The following TTBK2 variants were observed in gnomAD, a reference collection of about 807,000 sequenced individuals.
TTBK2 encodes the protein tau-tubulin kinase 2.
A neutral mutation model predicts 110.8 loss-of-function variants in TTBK2; 28 were observed. The ratio of observed to expected loss-of-function variants is 0.25; its 90% CI spans 0.19 to 0.35. The LOEUF (loss-of-function observed/expected upper bound fraction) is 0.35, where lower values mean the gene tolerates loss of function less well. Ranked by LOEUF, TTBK2 falls within the 10% of genes least tolerant of loss-of-function variation. TTBK2 has a pLI of 1.00. For missense variants in TTBK2, 1,369 were observed against 1,500.3 expected (o/e 0.91, Z 1.45); for synonymous variants, 532 against 527.3 (o/e 1.01, Z -0.12).
intron 1 of TTBK2, among the ~76,000 whole-genome samples, chr15:42,879,996 C>CAAAAAAAAA (rs71108186): frequency 1.3e-5 from 1 of 74,462 alleles, no homozygotes; most frequent in African/African-American, 5.0e-5. Flanking sequence ...GATCCTGTCT[C>CAAAAAAAAA]AAAAAAAAAA....
chr15:42,865,513 T>TAAAA (rs60116704), intron 3 of TTBK2, among the ~76,000 whole-genome samples: 1,840 of 109,074 alleles, frequency 0.017, 39 homozygotes, highest in African/African-American at 0.059. Flanking sequence ...ATAATAATAC[T>TAAAA]AAAAAAAAAA....
At chr15:42,821,279 G>A (rs1037295712) in intron 6 of TTBK2, among the ~76,000 whole-genome samples, 1 of 152,152 alleles carries the variant, frequency 6.6e-6, no homozygotes, top group Non-Finnish European at 1.5e-5. Flanking sequence ...AGGGAGCAGG[G>A]GGAAGAATCA....
At chr15:42,757,835 C>A (rs2061968866) in intron 13 of TTBK2, among the ~76,000 whole-genome samples, 1 of 152,110 alleles carries the variant, frequency 6.6e-6, no homozygotes, top group African/African-American at 2.4e-5. Context: ...TGTAATTGTA[C>A]CATGTACATC....
chr15:42,789,532 G>A (rs1441302860), intron 10 of TTBK2, among the ~76,000 whole-genome samples: 5 of 151,970 alleles, frequency 3.3e-5, no homozygotes, highest in Non-Finnish European at 5.9e-5. Context: ...TCAGGAGTTC[G>A]AGACCAGCCT....
chr15:42,887,880 A>T (rs1008313779), intron 1 of TTBK2, among the ~76,000 whole-genome samples: 1 of 152,044 alleles, frequency 6.6e-6, no homozygotes, highest in African/African-American at 2.4e-5. Flanking sequence ...GTCAAGCCCA[A>T]ATTTCTTCCT....
intron 1 of TTBK2, 44 bp downstream of exon 1, chr15:42,920,394 C>G (rs1357213143): frequency 1.3e-5 from 2 of 152,558 alleles, no homozygotes; most frequent in East Asian, 3.9e-4. Context: ...GGGGTCGAGA[C>G]TGGGGGAGGG....
chr15:42,895,972 G>C (rs984605788), intron 1 of TTBK2, among the ~76,000 whole-genome samples: 5 of 151,992 alleles, frequency 3.3e-5, no homozygotes, highest in African/African-American at 1.2e-4. Flanking sequence ...CTTTCTGTCT[G>C]TATGGATTTG....
intron 1 of TTBK2, among the ~76,000 whole-genome samples, chr15:42,909,244 C>T (rs535254461): frequency 5.9e-5 from 9 of 152,322 alleles, no homozygotes; most frequent in East Asian, 1.9e-4. Flanking sequence ...TGCGCCTAAG[C>T]GATCCTCCTG....
At chr15:42,878,195 G>A (rs1015493764) in intron 2 of TTBK2, among the ~76,000 whole-genome samples, 1 of 150,310 alleles carries the variant, frequency 6.7e-6, no homozygotes, top group African/African-American at 2.4e-5. Context: ...TGTTAGCCAA[G>A]ATGGTCTTGA....
intron 3 of TTBK2, among the ~76,000 whole-genome samples, chr15:42,867,935 A>G (rs1022516897): frequency 6.6e-6 from 1 of 152,232 alleles, no homozygotes; most frequent in Non-Finnish European, 1.5e-5. Context: ...TGGTACCTCT[A>G]GACAATGGAA....
chr15:42,755,479 A>G (rs2061933402), intron 13 of TTBK2, among the ~76,000 whole-genome samples: 1 of 151,922 alleles, frequency 6.6e-6, no homozygotes, highest in South Asian at 2.1e-4. Context: ...ATTGACATGT[A>G]AAGCTTGTCC....
At chr15:42,904,082 T>A (rs142814216) in intron 1 of TTBK2, among the ~76,000 whole-genome samples, 93 of 152,186 alleles carry the variant, frequency 6.1e-4, no homozygotes, top group African/African-American at 2.2e-3. Context: ...CCAAGCTGGG[T>A]CTTGTGATTG....
chr15:42,875,995 G>T (rs925088145), intron 2 of TTBK2, among the ~76,000 whole-genome samples: 1 of 151,856 alleles, frequency 6.6e-6, no homozygotes, highest in African/African-American at 2.4e-5. Context: ...ACCAGGTTGG[G>T]GGTTGGGGGT....
chr15:42,824,048 G>A (rs541062725), intron 6 of TTBK2, among the ~76,000 whole-genome samples: 1 of 152,066 alleles, frequency 6.6e-6, no homozygotes, highest in African/African-American at 2.4e-5. Flanking sequence ...GCAAGAAGGT[G>A]GGGGAAGGTG....
chr15:42,746,407 T>C, intron 14 of TTBK2, 150 bp from the exon 15 acceptor site: 1 of 657,584 alleles, frequency 1.5e-6, no homozygotes, highest in African/African-American at 1.8e-5. Flanking sequence ...ACTAGTTGTA[T>C]GACCCTGGAC....
intron 9 of TTBK2, among the ~76,000 whole-genome samples, chr15:42,796,244 A>C (rs1890935398): frequency 6.6e-6 from 1 of 152,166 alleles, no homozygotes; most frequent in South Asian, 2.1e-4. Context: ...TCTCTACTAA[A>C]AATACAAAAA....
At chr15:42,885,327 G>A (rs533073374) in intron 1 of TTBK2, among the ~76,000 whole-genome samples, 6 of 152,278 alleles carry the variant, frequency 3.9e-5, no homozygotes, top group South Asian at 4.1e-4. Flanking sequence ...ATTTTAAATC[G>A]GGTAAGCAGC....
At position 42,887,053 on chromosome 15, in the gene TTBK2, C is replaced by T. The variant is rs542112121; in HGVS notation, c.-67-8369G>A. Among the ~76,000 whole-genome samples, 98 of 152,276 alleles carry T rather than the reference C, an allele frequency of 6.4e-4. 1 individual carries two copies. The South Asian group carries it at 0.019, about 30-fold the overall frequency. On this transcript the variant is annotated intron_variant, in intron 1 of 14. Transcript: ENST00000267890. ...CCGTCCCCTTCTTAATCAATACGGA[C>T]GCTACCCACTCCACATTACCTTCTT...
chr15:42,893,608 C>T (rs1300617756), intron 1 of TTBK2, among the ~76,000 whole-genome samples: 1 of 150,710 alleles, frequency 6.6e-6, no homozygotes, highest in African/African-American at 2.4e-5. Context: ...AAACCCAAAA[C>T]AAGCAGAGGA....
Sources: allele counts gnomAD v4.1 joint callset (sites outside exome capture counted in the v4.1 genomes callset), GRCh38; gene constraint gnomAD v4.1.1; transcripts MANE v1.5; gene names NCBI Gene and HGNC (gene_info 2026-07-23, HGNC 2026-07-21).